CNTROB: variants seen among roughly 807,000 people sequenced by gnomAD.
CNTROB encodes centrobin, centriole duplication and spindle assembly protein.
In CNTROB, 82 loss-of-function variants were observed where a neutral mutation model predicts 115.7. The ratio of observed to expected loss-of-function variants is 0.71; its 90% confidence interval spans 0.59 to 0.85. CNTROB has a LOEUF of 0.85. Ranked by LOEUF, CNTROB falls within the 40% of genes least tolerant of loss-of-function variation. The probability of loss-of-function intolerance (pLI) is 0.00; values close to 1 mark genes in which losing one functional copy is unlikely to be tolerated. For synonymous variants in CNTROB, 439 were observed against 456.4 expected (o/e 0.96, Z 0.49); for missense variants, 1,014 against 1,144.4 (o/e 0.89, Z 1.64).
intron 14 of CNTROB, 37 bp from the exon 15 acceptor site, chr17:7,947,879 A>C (rs369369928): frequency 3.1e-6 from 5 of 1,611,156 alleles, no homozygotes; most frequent in Non-Finnish European, 4.2e-6. Flanking sequence ...TTTCTCTATC[A>C]GTCCCTAGGG....
chr17:7,932,143 G>C, upstream of CNTROB: 1 of 391,080 alleles, frequency 2.6e-6, no homozygotes, highest in Non-Finnish European at 4.7e-6. Flanking sequence ...AGTGATGTGA[G>C]TGTCTGCGAG....
At chr17:7,937,392 C>A in intron 7 of CNTROB, 130 bp downstream of exon 7, 1 of 1,030,766 alleles carries the variant, frequency 9.7e-7, no homozygotes. Flanking sequence ...AAGTGTGTTC[C>A]TTAGAACACT....
At position 7,944,106 on chromosome 17, in the gene CNTROB, C is replaced by T. The variant is rs1197043973; in HGVS notation, c.1446-17C>T. 6.2e-7 allele frequency: 1 copy of T among 1,601,160 alleles called. No homozygotes were observed. Among genetic ancestry groups the T allele is most frequent in the Non-Finnish European group, 8.6e-7 (1 of 1,168,594 alleles). On this transcript the variant is annotated splice_polypyrimidine_tract_variant and intron_variant, in intron 10 of 18. Coordinates refer to ENST00000563694, the MANE Select transcript of CNTROB (RefSeq NM_053051.5). This position sits in a 1 kb window ranked among gnomAD's most constrained non-coding sequence, Gnocchi z 4.0. ...TGTCTCCAGTCTCAGGCCTCTTCTC[C>T]TACCTGTGCCCTGTAGGAAGCAGCT... is the stretch of plus-strand genomic sequence containing the variant.
rs772520231 is a variant in CNTROB at position 7,936,502 on chromosome 17, T to G, written c.711+20T>G. 1 of 950,268 alleles carries G rather than the reference T, an allele frequency of 1.1e-6. No homozygotes were observed. Among genetic ancestry groups the G allele is most frequent in the Non-Finnish European group, 1.7e-6 (1 of 573,296 alleles). The allele number at this position is 950,268 out of a possible 1,614,324, so 58.9% of individuals were successfully genotyped here. A position where few individuals can be genotyped will look rare whatever the true frequency, so the allele number is the denominator to read the frequency against. On this transcript the variant is annotated intron_variant, in intron 5 of 18. Transcript: ENST00000563694. ...GACAAGGTACCAGGGTAGCAAAATG[T>G]GGGTGGGTCTCTCCATGAAGAGCAT...
In CNTROB at chr17:7,934,105, A is replaced by C. The variant is rs192819708; in HGVS notation, c.271-33A>C. ...AATAGGTAGGAGATAGATAACACAGACTGCATCTGATTTCCATGTGGCTTT... is the reference window on the plus strand; with the variant it reads ...AATAGGTAGGAGATAGATAACACAGCCTGCATCTGATTTCCATGTGGCTTT... On this transcript the variant is annotated intron_variant, in intron 1 of 18. Transcript: ENST00000563694. 23 of 1,576,468 alleles carry C rather than the reference A, an allele frequency of 1.5e-5. 2 individuals carry two copies. In the Admixed American group the frequency reaches 3.8e-4, roughly 26 times the overall value.
At chr17:7,935,451 G>A (rs532015387) in intron 4 of CNTROB, among the ~76,000 whole-genome samples, 3 of 151,740 alleles carry the variant, frequency 2.0e-5, no homozygotes, top group Admixed American at 6.6e-5. Flanking sequence ...GCAGTGAGCC[G>A]AGATCATGCC....
intron 13 of CNTROB, among the ~76,000 whole-genome samples, chr17:7,946,509 C>G (rs4791409): frequency 0.54 from 81,580 of 151,922 alleles, 22,740 homozygotes; most frequent in East Asian, 0.94. Context: ...TTTAATGTCA[C>G]CTGTGATTTG....
At chr17:7,941,100 G>A (rs942228923) in intron 9 of CNTROB, among the ~76,000 whole-genome samples, 4 of 152,216 alleles carry the variant, frequency 2.6e-5, no homozygotes, top group East Asian at 1.9e-4. Flanking sequence ...GAGACACAGC[G>A]TTGAAGAGGA....
chr17:7,939,986 G>A lies in CNTROB; in HGVS notation c.1165-110G>A. ...GGATGGGGAAATAAAACAAATGGGA[G>A]GAGCTGGGGGAAGCTTGGATTTTAG... On this transcript the variant is annotated intron_variant, in intron 8 of 18. Coordinates refer to ENST00000563694, the MANE Select transcript of CNTROB (RefSeq NM_053051.5). The surrounding 1 kb of genome is among the most constrained non-coding windows in gnomAD (Gnocchi z 4.4). 7.7e-7 allele frequency: 1 copy of A among 1,305,456 alleles called. No individual in the cohort carries two copies. Among genetic ancestry groups the A allele is most frequent in the Non-Finnish European group, 1.0e-6 (1 of 954,414 alleles). 80.9% of individuals were successfully genotyped at this position (1,305,456 alleles called of 1,614,324 possible). A position where few individuals can be genotyped will look rare whatever the true frequency, so the allele number is the denominator to read the frequency against.
chr17:7,943,299 A>C lies in CNTROB; in HGVS notation c.1312-92A>C. On this transcript the variant is annotated intron_variant, in intron 9 of 18. Coordinates refer to ENST00000563694, the MANE Select transcript of CNTROB (RefSeq NM_053051.5). This position sits in a 1 kb window ranked among gnomAD's most constrained non-coding sequence, Gnocchi z 4.7. ...TTGTTCTTCATCTCATATGAGGGGA[A>C]AGTTGGTACTGGATTTTGTCTACAT... The C allele has an allele frequency of 1.1e-6, 1 of 884,664 alleles. No individual in the cohort carries two copies. Among genetic ancestry groups the C allele is most frequent in the Non-Finnish European group, 1.7e-6 (1 of 578,230 alleles). The allele number at this position is 884,664 out of a possible 1,614,324, so 54.8% of individuals were successfully genotyped here. A position where few individuals can be genotyped will look rare whatever the true frequency, so the allele number is the denominator to read the frequency against.
chr17:7,944,032 C>A lies in CNTROB; in HGVS notation c.1446-91C>A. On this transcript the variant is annotated intron_variant, in intron 10 of 18. Transcript: ENST00000563694. This position sits in a 1 kb window ranked among gnomAD's most constrained non-coding sequence, Gnocchi z 4.0. The stretch of plus-strand genomic sequence containing the variant: ...AGGCTAGCTGACTGGCTATCTGGGT[C>A]ACTGTCATGTGCACACATGATGTCT... The A allele has an allele frequency of 2.1e-6, 2 of 936,204 alleles. No individual in the cohort carries two copies. The highest frequency in any genetic ancestry group is 3.4e-6 in the Non-Finnish European group (2 of 595,438). The allele number at this position is 936,204 out of a possible 1,614,324, so 58.0% of individuals were successfully genotyped here. A position where few individuals can be genotyped will look rare whatever the true frequency, so the allele number is the denominator to read the frequency against.
intron 18 of CNTROB, 78 bp from the exon 19 acceptor site, chr17:7,949,307 A>C: frequency 6.3e-7 from 1 of 1,599,948 alleles, no homozygotes; most frequent in Non-Finnish European, 8.6e-7. Context: ...GGCCCTCTCC[A>C]CGTGCATTTC....
chr17:7,949,325 G>C (rs892093616), intron 18 of CNTROB, 60 bp from the exon 19 acceptor site: 26 of 1,605,872 alleles, frequency 1.6e-5, no homozygotes, highest in Non-Finnish European at 2.0e-5. Flanking sequence ...TTCCTCAGTG[G>C]GGTGGGGAAT....
rs1431772937 is a variant in CNTROB at position 7,943,298 on chromosome 17, A to T, written c.1312-93A>T. 1 of 877,536 alleles carries T rather than the reference A, an allele frequency of 1.1e-6. No individual in the cohort carries two copies. The highest frequency in any genetic ancestry group is 2.7e-5 in the East Asian group (1 of 37,446). The allele number at this position is 877,536 out of a possible 1,614,324, so 54.4% of individuals were successfully genotyped here. The stretch of plus-strand genomic sequence containing the variant: ...CTTGTTCTTCATCTCATATGAGGGG[A>T]AAGTTGGTACTGGATTTTGTCTACA... On this transcript the variant is annotated intron_variant, in intron 9 of 18. Coordinates refer to ENST00000563694, the MANE Select transcript of CNTROB (RefSeq NM_053051.5). The surrounding 1 kb of genome is among the most constrained non-coding windows in gnomAD (Gnocchi z 4.7).
rs372506805 is a variant in CNTROB at position 7,933,155 on chromosome 17, G to A, written c.76G>A (p.Gly26Arg). ...CCTGAGTGATTCATCAGAACCCCCT[G>A]GGCTCAACCAAGTGTCGTCTGAAGT... is the stretch of plus-strand genomic sequence containing the variant. ...DLLSDSSEPP[G>R]LNQVSSEVTS... Residue 26 changes from glycine (G) to arginine (R), a missense_variant, in exon 1 of 19, where the codon GGG becomes AGG. Physicochemically the swap from Gly to Arg is moderately radical, Grantham distance 125. Transcript: ENST00000563694. 2 of 1,614,184 alleles carry A rather than the reference G, an allele frequency of 1.2e-6. No individual in the cohort carries two copies. The highest frequency in any genetic ancestry group is 1.7e-6 in the Non-Finnish European group (2 of 1,180,036).
At chr17:7,932,188 A>G, upstream of CNTROB, 2 of 305,740 alleles carry the variant, frequency 6.5e-6, no homozygotes, top group Non-Finnish European at 1.2e-5. Flanking sequence ...CATCGAGGCG[A>G]GAGAGGCGGA....
chr17:7,942,778 A>C (rs1212056817), intron 9 of CNTROB, among the ~76,000 whole-genome samples: 5 of 117,266 alleles, frequency 4.3e-5, no homozygotes, highest in Non-Finnish European at 6.9e-5. Flanking sequence ...CAGGTACTCT[A>C]CTCAGGGTAT....
chr17:7,937,102 A>C (rs1973271019), intron 6 of CNTROB, 62 bp from the exon 7 acceptor site: 1 of 1,579,344 alleles, frequency 6.3e-7, no homozygotes, highest in Admixed American at 1.7e-5. Flanking sequence ...AATGCTTTAT[A>C]AAATATAGCA....
Position 7,935,158 on chromosome 17 carries a change from C to T in CNTROB, c.594+13C>T, listed in dbSNP as rs780296294. 47 of 1,613,826 alleles carry T rather than the reference C, an allele frequency of 2.9e-5. No individual in the cohort carries two copies. Among genetic ancestry groups the T allele is most frequent in the East Asian group, 2.0e-4 (9 of 44,890 alleles). ...TACCCGCCGCAAGGTAAGATGCAAACGCTTCCTTTCGAAAGCAGCAAAGAT... is the reference window on the plus strand; with the variant it reads ...TACCCGCCGCAAGGTAAGATGCAAATGCTTCCTTTCGAAAGCAGCAAAGAT... On this transcript the variant is annotated intron_variant, in intron 4 of 18. Coordinates refer to ENST00000563694, the MANE Select transcript of CNTROB (RefSeq NM_053051.5).
Sources: gnomAD v4.1 joint callset for allele counts (sites outside exome capture counted in the v4.1 genomes callset) on GRCh38, gnomAD v4.1.1 for gene constraint, Gnocchi (gnomAD v3.1) non-coding constraint, MANE v1.5 for transcripts, NCBI Gene and HGNC (gene_info 2026-07-23, HGNC 2026-07-21) for gene names.